OTUD4: variants seen among roughly 807,000 people sequenced by gnomAD.
The protein encoded by OTUD4 is OTU deubiquitinase 4.
In OTUD4, 24 loss-of-function variants were observed where a neutral mutation model predicts 130.4. The observed-to-expected ratio is 0.18, with a 90% confidence interval of 0.13 to 0.26. The LOEUF is 0.26. Among genes scored for constraint, OTUD4 ranks in the 10% least tolerant of loss-of-function variants. OTUD4 has a pLI of 1.00. For synonymous variants in OTUD4, 420 were observed against 472.5 expected (o/e 0.89, Z 1.44); for missense variants, 1,031 against 1,329.4 (o/e 0.78, Z 3.49).
intron 16 of OTUD4, 136 bp from the exon 17 acceptor site, chr4:145,143,581 T>C (rs1274043785): frequency 4.9e-6 from 3 of 614,428 alleles, no homozygotes; most frequent in Non-Finnish European, 5.7e-6. Flanking sequence ...TCCAATTATA[T>C]GTTATTTTCA....
At chr4:145,158,482 AAAAACAAAAC>A (rs772004391) in intron 7 of OTUD4, among the ~76,000 whole-genome samples, 219 of 152,124 alleles carry the variant, frequency 1.4e-3, no homozygotes, top group Non-Finnish European at 2.7e-3. Flanking sequence ...ACTCCGATTC[AAAAACAAAAC>A]AAAACAAAAC....
chr4:145,170,791 T>C (rs575474980), intron 3 of OTUD4: 1 of 152,374 alleles, frequency 6.6e-6, no homozygotes, highest in Non-Finnish European at 1.5e-5. Flanking sequence ...TTTGCCAATG[T>C]TATTTTTACC....
At chr4:145,175,405 T>C (rs978700975) in intron 1 of OTUD4, among the ~76,000 whole-genome samples, 2 of 152,220 alleles carry the variant, frequency 1.3e-5, no homozygotes, top group Non-Finnish European at 2.9e-5. Context: ...AATTGTAAAG[T>C]ACCAACCTAC....
At position 145,150,605 on chromosome 4, in the gene OTUD4, T is replaced by C. The variant is rs1295113675; in HGVS notation, c.1167A>G (p.Gln389=). 6.2e-7 allele frequency: 1 copy of C among 1,613,648 alleles called. No homozygotes were observed. The highest frequency in any genetic ancestry group is 8.5e-7 in the Non-Finnish European group (1 of 1,179,572). The change falls in exon 13 of 21, where the codon CAA becomes CAG. Residue 389 remains glutamine, a synonymous_variant. Coordinates refer to ENST00000447906, the MANE Select transcript of OTUD4 (RefSeq NM_001366057.1). The part of the protein sequence containing the change: ...PRLQHPSGVR[Q]HAFSSHSSGS... ...CTGAAGAATGACTAGAGAACGCATG[T>C]TGTCTTACTCCTGAAGGATGCTGCA...
chr4:145,146,217 T>G (rs1443648169), intron 14 of OTUD4, 50 bp downstream of exon 14: 1 of 1,279,246 alleles, frequency 7.8e-7, no homozygotes, highest in African/African-American at 1.5e-5. Context: ...AAAAACTATA[T>G]TAAGAGAAAC....
rs1402776206 is a variant in OTUD4 at position 145,171,648 on chromosome 4, ATACTAGAAGAC to A, written c.294+11_294+21del. Reference sequence around the variant, plus strand: ...TATTTGGATATATAAAAATAGAAATATACTAGAAGACTGTGACATACCTGTGGATTTTCCAA... The same window carrying A: ...TATTTGGATATATAAAAATAGAAATATGTGACATACCTGTGGATTTTCCAA... On this transcript the variant is annotated intron_variant, in intron 3 of 20. Coordinates refer to ENST00000447906, the MANE Select transcript of OTUD4 (RefSeq NM_001366057.1). 9.5e-7 allele frequency: 1 copy of A among 1,055,642 alleles called. No individual in the cohort carries two copies. Among genetic ancestry groups the A allele is most frequent in the Non-Finnish European group, 1.5e-6 (1 of 681,978 alleles). The allele number at this position is 1,055,642 out of a possible 1,614,324, so 65.4% of individuals were successfully genotyped here.
At chr4:145,151,958 A>G (rs1467126799) in intron 11 of OTUD4, among the ~76,000 whole-genome samples, 1 of 152,212 alleles carries the variant, frequency 6.6e-6, no homozygotes, top group East Asian at 1.9e-4. Flanking sequence ...GAATCCCTCC[A>G]AAGTTCCCAT....
chr4:145,157,443 C>T lies in OTUD4; in HGVS notation c.630-1447G>A, dbSNP rs1443019123. On this transcript the variant is annotated intron_variant, in intron 7 of 20. Coordinates refer to ENST00000447906, the MANE Select transcript of OTUD4 (RefSeq NM_001366057.1). The stretch of plus-strand genomic sequence containing the variant: ...GAGGCTCACGCCTGTAATCCCAACA[C>T]TTTGGGAGGCCGAGGCGGGTGGATC... 4.6e-5 allele frequency among the ~76,000 whole-genome samples: 7 copies of T among 152,172 alleles called. 1 individual carries two copies. Among genetic ancestry groups the T allele is most frequent in the Admixed American group, 1.3e-4 (2 of 15,282 alleles).
At chr4:145,161,071 C>G (rs771426609) in intron 6 of OTUD4, among the ~76,000 whole-genome samples, 2 of 152,118 alleles carry the variant, frequency 1.3e-5, no homozygotes, top group Non-Finnish European at 2.9e-5. Context: ...GATTGTGCCA[C>G]TGCACTCCAG....
intron 10 of OTUD4, among the ~76,000 whole-genome samples, chr4:145,154,502 T>C (rs1751194569): frequency 6.6e-6 from 1 of 152,254 alleles, no homozygotes; most frequent in African/African-American, 2.4e-5. Context: ...CACTTTTTGA[T>C]GGAAATAATT....
intron 18 of OTUD4, 53 bp downstream of exon 18, chr4:145,142,143 C>A: frequency 2.6e-6 from 4 of 1,540,336 alleles, no homozygotes; most frequent in Non-Finnish European, 2.7e-6. Context: ...AATTTGAAGT[C>A]TCTGACTAGA....
intron 3 of OTUD4, among the ~76,000 whole-genome samples, chr4:145,165,998 C>G (rs892821660): frequency 6.6e-6 from 1 of 151,864 alleles, no homozygotes. Flanking sequence ...CCCCTCTCTA[C>G]TAAAAATACA....
intron 2 of OTUD4, among the ~76,000 whole-genome samples, chr4:145,172,587 A>G (rs1005276199): frequency 6.6e-6 from 1 of 152,176 alleles, no homozygotes; most frequent in Non-Finnish European, 1.5e-5. Flanking sequence ...ACCAAATTCA[A>G]TTGCGTTTAA....
chr4:145,168,695 A>G (rs887972609), intron 3 of OTUD4, among the ~76,000 whole-genome samples: 14 of 152,240 alleles, frequency 9.2e-5, no homozygotes, highest in African/African-American at 3.1e-4. Flanking sequence ...TGAAATTCTC[A>G]TAATATTGCT....
intron 1 of OTUD4, among the ~76,000 whole-genome samples, chr4:145,175,647 C>G (rs980686134): frequency 6.6e-6 from 1 of 151,910 alleles, no homozygotes; most frequent in African/African-American, 2.4e-5. Context: ...CAGGTTCAAG[C>G]GATCTTCCTG....
At chr4:145,171,456 A>C (rs1185783087) in intron 3 of OTUD4, 1 of 447,844 alleles carries the variant, frequency 2.2e-6, no homozygotes, top group African/African-American at 2.0e-5. Context: ...AGCCAAGATA[A>C]AATATCACAA....
Position 145,146,254 on chromosome 4 carries a change from T to C in OTUD4, c.1422+13A>G, listed in dbSNP as rs558105402. 2.0e-6 allele frequency: 3 copies of C among 1,490,752 alleles called. 1 individual carries two copies. The African/African-American group carries it at 4.3e-5, about 21-fold the overall frequency. The allele number at this position is 1,490,752 out of a possible 1,614,324, so 92.3% of individuals were successfully genotyped here. On this transcript the variant is annotated intron_variant, in intron 14 of 20. Transcript: ENST00000447906. ...TCTGTATAATGACTTTTAAACTGTC[T>C]TTTCATACATACGGAAAGGGCTGGG...
In OTUD4 at chr4:145,137,958, T is replaced by C. The variant is rs778581320; in HGVS notation, c.2817A>G (p.Gln939=). Residue 939 remains glutamine (Q), a synonymous_variant, in exon 21 of 21, where the codon CAA becomes CAG. Transcript: ENST00000447906. The part of the protein sequence containing the change: ...SSKPDEGRTE[Q]SSQTRKADTA... Reference sequence around the variant, plus strand: ...TATCTGCCTTTCGTGTCTGGGAAGATTGCTCTGTCCGGCCTTCGTCCGGCT... The same window carrying C: ...TATCTGCCTTTCGTGTCTGGGAAGACTGCTCTGTCCGGCCTTCGTCCGGCT... 8.1e-6 allele frequency: 13 copies of C among 1,614,048 alleles called. No individual in the cohort carries two copies. The highest frequency in any genetic ancestry group is 2.2e-5 in the East Asian group (1 of 44,858).
chr4:145,158,414 A>C (rs1369078195), intron 7 of OTUD4, among the ~76,000 whole-genome samples: 1 of 151,902 alleles, frequency 6.6e-6, no homozygotes, highest in African/African-American at 2.4e-5. Context: ...CCCAGAAGGC[A>C]GAGCTTGCAG....
Sources: allele counts gnomAD v4.1 joint callset (sites outside exome capture counted in the v4.1 genomes callset), GRCh38; gene constraint gnomAD v4.1.1; transcripts MANE v1.5; gene names NCBI Gene and HGNC (gene_info 2026-07-23, HGNC 2026-07-21).